FAM168B: variants seen among roughly 807,000 people sequenced by gnomAD.
FAM168B encodes the protein myelin-associated neurite-outgrowth inhibitor.
Under a neutral mutation model 21.8 loss-of-function variants are expected in FAM168B, and 19 were observed. The ratio of observed to expected loss-of-function variants is 0.87; its 90% CI spans 0.61 to 1.28. The LOEUF (loss-of-function observed/expected upper bound fraction) is 1.28, where lower values mean the gene tolerates loss of function less well. Among genes scored for constraint, FAM168B ranks in the 50% most tolerant of loss-of-function variants. The pLI is 0.00. For missense variants in FAM168B, 233 were observed against 263.1 expected (o/e 0.89, Z 0.79); for synonymous variants, 126 against 104.8 (o/e 1.20, Z -1.24).
intron 3 of FAM168B, among the ~76,000 whole-genome samples, 182 bp downstream of exon 3, chr2:131,071,673 G>A (rs1343510941): frequency 2.0e-5 from 3 of 152,144 alleles, no homozygotes; most frequent in Non-Finnish European, 4.4e-5. Context: ...GAGAAACACA[G>A]TATATAAAGC....
At chr2:131,071,987 AAT>A (rs774314177) in intron 2 of FAM168B, 49 bp from the exon 3 acceptor site, 4 of 1,536,578 alleles carry the variant, frequency 2.6e-6, no homozygotes, top group African/African-American at 1.4e-5. Flanking sequence ...AAGTAGCGAC[AAT>A]CACTAGAGCT....
intron 3 of FAM168B, among the ~76,000 whole-genome samples, chr2:131,057,324 T>C (rs1319381784): frequency 2.0e-5 from 3 of 152,218 alleles, no homozygotes; most frequent in Non-Finnish European, 2.9e-5. Context: ...TATGTCTCTA[T>C]AAACATTACT....
chr2:131,089,781 C>A (rs1693912965), intron 1 of FAM168B, among the ~76,000 whole-genome samples: 14 of 151,872 alleles, frequency 9.2e-5, no homozygotes, highest in Admixed American at 9.2e-4. Context: ...CGCCTGTAAT[C>A]CCAGCACTTT....
At chr2:131,059,103 T>C (rs1692170627) in intron 3 of FAM168B, among the ~76,000 whole-genome samples, 3 of 152,094 alleles carry the variant, frequency 2.0e-5, no homozygotes, top group South Asian at 2.1e-4. Flanking sequence ...GACTGGGGCA[T>C]TGTACCAACA....
rs192236865 is a variant in FAM168B, at chr2:131,087,427, G to A, written c.-11-4770C>T. Among the ~76,000 whole-genome samples, 6 of 152,206 alleles carry A rather than the reference G, an allele frequency of 3.9e-5. No homozygotes were observed. In the East Asian group the frequency reaches 7.7e-4, roughly 20 times the overall value. On this transcript the variant is annotated intron_variant, in intron 1 of 6. Coordinates refer to ENST00000389915, the MANE Select transcript of FAM168B (RefSeq NM_001009993.4). ...GCAGAGGTTGCAGTGAGCTGAGATC[G>A]TGCCACTGCACTCCAGCCTGGGCAA...
intron 3 of FAM168B, among the ~76,000 whole-genome samples, chr2:131,060,834 C>T (rs1458118441): frequency 1.3e-5 from 2 of 151,924 alleles, no homozygotes; most frequent in South Asian, 2.1e-4. Context: ...CTGTATTGTC[C>T]GCTCAACTTT....
At chr2:131,064,430 A>G (rs535747262) in intron 3 of FAM168B, among the ~76,000 whole-genome samples, 2 of 152,312 alleles carry the variant, frequency 1.3e-5, no homozygotes, top group African/African-American at 4.8e-5. Flanking sequence ...ATAGCAAAGA[A>G]AAACCAAGGT....
intron 6 of FAM168B, 77 bp from the exon 7 acceptor site, chr2:131,052,529 G>A: frequency 9.9e-7 from 1 of 1,010,044 alleles, no homozygotes; most frequent in Middle Eastern, 4.9e-4. Context: ...AGTAGGATGA[G>A]GCCCAGCAGG....
At position 131,049,234 on chromosome 2, in the gene FAM168B, T is replaced by C. The variant is rs1691497620; in HGVS notation, c.*3231A>G. The C allele has an allele frequency of 1.0e-6, 1 of 985,414 alleles. No homozygotes were observed. Among genetic ancestry groups the C allele is most frequent in the Non-Finnish European group, 1.2e-6 (1 of 829,960 alleles). 61.0% of individuals were successfully genotyped at this position (985,414 alleles called of 1,614,324 possible). ...CTAGACCTCATTCATCACAGCCAGATGATGCCACCAGAAAGAGCAAGGTAC... is the reference window on the plus strand; with the variant it reads ...CTAGACCTCATTCATCACAGCCAGACGATGCCACCAGAAAGAGCAAGGTAC... On this transcript the variant is annotated 3_prime_UTR_variant, in exon 7 of 7. Transcript: ENST00000389915.
rs190080599 is a variant in FAM168B, at chr2:131,076,716, T to A, written c.71-4778A>T. Among the ~76,000 whole-genome samples, 890 of 140,664 alleles carry A rather than the reference T, an allele frequency of 6.3e-3. 10 individuals carry two copies. The highest frequency in any genetic ancestry group is 0.022 in the African/African-American group (821 of 37,676). 92.3% of individuals were successfully genotyped at this position (140,664 alleles called of 152,430 possible). A position where few individuals can be genotyped will look rare whatever the true frequency, so the allele number is the denominator to read the frequency against. On this transcript the variant is annotated intron_variant, in intron 2 of 6. Coordinates refer to ENST00000389915, the MANE Select transcript of FAM168B (RefSeq NM_001009993.4). ...GTAAAAGCTTCAGAACAGCAAAAAA[T>A]ACCATAGTTAAGCAAAAGGACAAAT...
At chr2:131,071,735 A>T in intron 3 of FAM168B, 120 bp downstream of exon 3, 1 of 826,170 alleles carries the variant, frequency 1.2e-6, no homozygotes, top group Non-Finnish European at 2.0e-6. Context: ...AGGCTAACTT[A>T]ATGAACTTGA....
chr2:131,049,260 T>C lies in FAM168B; in HGVS notation c.*3205A>G. 8.1e-6 allele frequency: 8 copies of C among 985,512 alleles called. No individual in the cohort carries two copies. Among genetic ancestry groups the C allele is most frequent in the Non-Finnish European group, 9.6e-6 (8 of 830,004 alleles). 61.0% of individuals were successfully genotyped at this position (985,512 alleles called of 1,614,324 possible). On this transcript the variant is annotated 3_prime_UTR_variant, in exon 7 of 7. Coordinates refer to ENST00000389915, the MANE Select transcript of FAM168B (RefSeq NM_001009993.4). ...GATGCCACCAGAAAGAGCAAGGTAC[T>C]GTATGCCCAGCTGGGGAAGGGCAAG... is the stretch of plus-strand genomic sequence containing the variant.
At chr2:131,087,408 G>T (rs1227799327) in intron 1 of FAM168B, among the ~76,000 whole-genome samples, 4 of 151,596 alleles carry the variant, frequency 2.6e-5, no homozygotes, top group Admixed American at 2.6e-4. Context: ...GGAGGCAGAG[G>T]TTGCAGTGAG....
At chr2:131,069,822 CA>C (rs1692780775) in intron 3 of FAM168B, among the ~76,000 whole-genome samples, 3 of 149,540 alleles carry the variant, frequency 2.0e-5, no homozygotes, top group Admixed American at 2.0e-4. Context: ...AGTATGGTAC[CA>C]AAAGCATGAT....
intron 3 of FAM168B, among the ~76,000 whole-genome samples, chr2:131,064,801 A>G (rs1039144258): frequency 6.6e-5 from 10 of 152,212 alleles, no homozygotes; most frequent in African/African-American, 2.4e-4. Flanking sequence ...ACCAGTCCAG[A>G]TAAGAGAGAG....
At chr2:131,069,555 G>C (rs910265672) in intron 3 of FAM168B, among the ~76,000 whole-genome samples, 4 of 151,552 alleles carry the variant, frequency 2.6e-5, no homozygotes, top group Non-Finnish European at 2.9e-5. Context: ...GTGCAGTGGC[G>C]CAATCTCGGC....
At position 131,050,573 on chromosome 2, in the gene FAM168B, A is replaced by G. The variant is rs754902297; in HGVS notation, c.*1892T>C. On this transcript the variant is annotated 3_prime_UTR_variant, in exon 7 of 7. Transcript: ENST00000389915. ...ACTTATCAGTAAACATTCTATGTTAATAGACATCAGGAATAAAGAATCTGC... is the reference window on the plus strand; with the variant it reads ...ACTTATCAGTAAACATTCTATGTTAGTAGACATCAGGAATAAAGAATCTGC... 11 of 985,824 alleles carry G rather than the reference A, an allele frequency of 1.1e-5. No homozygotes were observed. The highest frequency in any genetic ancestry group is 1.3e-5 in the Non-Finnish European group (11 of 829,890). 61.1% of individuals were successfully genotyped at this position (985,824 alleles called of 1,614,324 possible).
At chr2:131,091,729 T>G (rs1178109247) in intron 1 of FAM168B, among the ~76,000 whole-genome samples, 1 of 151,758 alleles carries the variant, frequency 6.6e-6, no homozygotes, top group Non-Finnish European at 1.5e-5. Flanking sequence ...TGCATTTTAC[T>G]GGGAGGAATT....
At chr2:131,080,943 T>C (rs1423562139) in intron 2 of FAM168B, among the ~76,000 whole-genome samples, 1 of 152,080 alleles carries the variant, frequency 6.6e-6, no homozygotes, top group African/African-American at 2.4e-5. Context: ...GTGCTGGGAT[T>C]ACAGGCATGA....
Sources: allele counts gnomAD v4.1 joint callset (sites outside exome capture counted in the v4.1 genomes callset), GRCh38; gene constraint gnomAD v4.1.1; transcripts MANE v1.5; gene names NCBI Gene and HGNC (gene_info 2026-07-23, HGNC 2026-07-21).